The following IPP variants were observed in gnomAD, a reference collection of about 807,000 sequenced individuals.
IPP encodes the protein actin-binding protein IPP.
IPP carries 41 observed loss-of-function variants against 64.1 expected under a neutral mutation model. That is an observed-to-expected ratio of 0.64 (90% confidence interval 0.50 to 0.83). The LOEUF (loss-of-function observed/expected upper bound fraction) is 0.83. Among genes scored for constraint, IPP ranks in the 40% least tolerant of loss-of-function variants. IPP has a pLI of 0.00. For missense variants in IPP, 649 were observed against 703.0 expected, an observed-to-expected ratio of 0.92 and a Z score of 0.87; for synonymous variants, 214 against 235.2, an observed-to-expected ratio of 0.91 and a Z score of 0.83.
At chr1:45,740,025 T>C (rs1646038615) in intron 3 of IPP, among the ~76,000 whole-genome samples, 1 of 152,150 alleles carries the variant, frequency 6.6e-6, no homozygotes, top group Non-Finnish European at 1.5e-5. Flanking sequence ...GTGATGACTC[T>C]TAACGAGCAT....
At chr1:45,741,623 C>CTTTTTTTTTTTTTTTT (rs57797396) in intron 2 of IPP, among the ~76,000 whole-genome samples, 1 of 96,128 alleles carries the variant, frequency 1.0e-5, no homozygotes, top group African/African-American at 3.9e-5. Context: ...TTCTTATTTT[C>CTTTTTTTTTTTTTTTT]TTTTTTTTTT....
chr1:45,743,941 T>C lies in IPP; in HGVS notation c.292+2179A>G, dbSNP rs544324400. ...CTGAAGCAGGAGAATCGCTTGAAAC[T>C]GGGAGGCAGACGTTGCAGTGAGCCA... is the stretch of plus-strand genomic sequence containing the variant. On this transcript the variant is annotated intron_variant, in intron 2 of 8. Transcript: ENST00000396478. Among the ~76,000 whole-genome samples, 278 of 150,702 alleles carry C rather than the reference T, an allele frequency of 1.8e-3. 8 individuals are homozygous for C. In the South Asian group the frequency reaches 0.03, roughly 16 times the overall value.
chr1:45,720,997 C>A (rs1018295321), intron 5 of IPP, among the ~76,000 whole-genome samples: 1 of 152,028 alleles, frequency 6.6e-6, no homozygotes, highest in African/African-American at 2.4e-5. Flanking sequence ...TTTGACTACA[C>A]TAAAATTAAA....
chr1:45,722,352 A>C (rs148886617), intron 5 of IPP, among the ~76,000 whole-genome samples: 31 of 152,102 alleles, frequency 2.0e-4, no homozygotes, highest in African/African-American at 6.7e-4. Context: ...GGAGTTCGAG[A>C]CCAGCCTGGC....
At chr1:45,697,575 G>A (rs1424289049), downstream of IPP, among the ~76,000 whole-genome samples, 1 of 152,100 alleles carries the variant, frequency 6.6e-6, no homozygotes, top group Non-Finnish European at 1.5e-5. Context: ...TTGGATATGA[G>A]TGCTACCTAA....
At chr1:45,742,578 G>A (rs1224804190) in intron 2 of IPP, among the ~76,000 whole-genome samples, 1 of 152,154 alleles carries the variant, frequency 6.6e-6, no homozygotes, top group Non-Finnish European at 1.5e-5. Context: ...CTGTTGTCCA[G>A]GCTGGAGTGC....
At chr1:45,748,588 C>T (rs925839467) in intron 1 of IPP, among the ~76,000 whole-genome samples, 3 of 152,174 alleles carry the variant, frequency 2.0e-5, no homozygotes, top group African/African-American at 7.2e-5. Context: ...GGGAGGACCA[C>T]CTGAGCCAGG....
At chr1:45,697,334 T>G (rs1312656961), downstream of IPP, 1 of 152,168 alleles carries the variant, frequency 6.6e-6, no homozygotes, top group East Asian at 1.9e-4. Flanking sequence ...CACTACAACC[T>G]CCACCTCCTG....
Position 45,699,980 on chromosome 1 carries a change from C to T in IPP, c.1741G>A (p.Val581Ile), listed in dbSNP as rs754518855. Residue 581 changes from valine (V) to isoleucine (I), a missense_variant, in exon 9 of 9, where the codon GTT becomes ATT. Coordinates refer to ENST00000396478, the MANE Select transcript of IPP (RefSeq NM_005897.3). ...NMITSRCEGGVAVL is the reference protein window; with the variant it reads ...NMITSRCEGGIAVL ...TGCTTTATATTTCATAGCACAGCAA[C>T]GCCCCCTTCACAACGACTGGTGATC... 27 of 1,614,046 alleles carry T rather than the reference C, an allele frequency of 1.7e-5. No homozygotes were observed. The highest frequency in any genetic ancestry group is 6.7e-5 in the Admixed American group (4 of 59,994).
intron 8 of IPP, among the ~76,000 whole-genome samples, chr1:45,712,197 AATCCCAGCTACTCGGGAGGCTG>A (rs911814376): frequency 1.3e-5 from 2 of 151,928 alleles, no homozygotes; most frequent in African/African-American, 4.8e-5. Flanking sequence ...GCGTGCCTGT[AATCCCAGCTACTCGGGAGGCTG>A]AGGCAGGAGA....
At chr1:45,734,862 C>T (rs1207135462) in intron 3 of IPP, among the ~76,000 whole-genome samples, 4 of 152,206 alleles carry the variant, frequency 2.6e-5, no homozygotes, top group Non-Finnish European at 5.9e-5. Flanking sequence ...TCATACCAAC[C>T]TCCACCTCCC....
chr1:45,703,300 G>C (rs1306284614), intron 8 of IPP, among the ~76,000 whole-genome samples: 3 of 149,306 alleles, frequency 2.0e-5, no homozygotes, highest in East Asian at 4.1e-4. Context: ...TGTTGCCCAG[G>C]CTAGTCTTGA....
intron 1 of IPP, among the ~76,000 whole-genome samples, chr1:45,749,220 T>C (rs999037093): frequency 2.0e-5 from 3 of 152,184 alleles, no homozygotes; most frequent in Non-Finnish European, 4.4e-5. Flanking sequence ...GTTGACTGAA[T>C]ATCCATTCGG....
At chr1:45,717,992 GAGA>G (rs1191974336) in intron 6 of IPP, among the ~76,000 whole-genome samples, 2 of 152,226 alleles carry the variant, frequency 1.3e-5, no homozygotes, top group Non-Finnish European at 2.9e-5. Context: ...AAGAAGGAGT[GAGA>G]AGGAGAAAAT....
In IPP at chr1:45,699,372, G is replaced by A; in HGVS notation, c.*594C>T. On this transcript the variant is annotated 3_prime_UTR_variant, in exon 9 of 9. Coordinates refer to ENST00000396478, the MANE Select transcript of IPP (RefSeq NM_005897.3). ...TGCTCTGGATATAATTGTGAATATAGAGGTCTTTAAACTGTGTCATTGACA... is the reference window on the plus strand; with the variant it reads ...TGCTCTGGATATAATTGTGAATATAAAGGTCTTTAAACTGTGTCATTGACA... 1.0e-6 allele frequency: 1 copy of A among 984,870 alleles called. No individual in the cohort carries two copies. Among genetic ancestry groups the A allele is most frequent in the Non-Finnish European group, 1.2e-6 (1 of 829,466 alleles). The allele number at this position is 984,870 out of a possible 1,614,324, so 61.0% of individuals were successfully genotyped here.
At chr1:45,707,464 T>C (rs984043898) in intron 8 of IPP, among the ~76,000 whole-genome samples, 9 of 148,140 alleles carry the variant, frequency 6.1e-5, no homozygotes, top group African/African-American at 2.2e-4. Flanking sequence ...AAAACTAATA[T>C]TATTAATTGT....
intron 5 of IPP, among the ~76,000 whole-genome samples, chr1:45,725,003 C>G (rs1304223967): frequency 1.4e-5 from 2 of 143,428 alleles, no homozygotes; most frequent in African/African-American, 5.3e-5. Context: ...GTCGCCCCGT[C>G]CAGGTGGGAG....
intron 5 of IPP, among the ~76,000 whole-genome samples, chr1:45,720,993 T>A (rs1386810379): frequency 6.6e-6 from 1 of 152,116 alleles, no homozygotes; most frequent in African/African-American, 2.4e-5. Context: ...GAGATTTGAC[T>A]ACACTAAAAT....
chr1:45,713,429 G>A (rs780362774), intron 8 of IPP, among the ~76,000 whole-genome samples: 14 of 152,026 alleles, frequency 9.2e-5, no homozygotes, highest in Admixed American at 7.2e-4. Context: ...GTATGGTGGC[G>A]CATGCCTGAA....
Sources: gnomAD v4.1 joint callset for allele counts (sites outside exome capture counted in the v4.1 genomes callset) on GRCh38, gnomAD v4.1.1 for gene constraint, MANE v1.5 for transcripts, NCBI Gene and HGNC (gene_info 2026-07-23, HGNC 2026-07-21) for gene names.